The following ZFR2 variants were observed in gnomAD, a reference collection of about 807,000 sequenced individuals.
The protein encoded by ZFR2 is zinc finger RNA-binding protein 2.
ZFR2 carries 104 observed loss-of-function variants against 105.7 expected under a neutral mutation model. The observed-to-expected ratio is 0.98, with a 90% CI of 0.84 to 1.16. The LOEUF is 1.16. Among genes scored for constraint, ZFR2 ranks in the 50% most tolerant of loss-of-function variants. The probability of loss-of-function intolerance (pLI) is 0.00; values close to 1 mark genes in which losing one functional copy is unlikely to be tolerated. For synonymous variants in ZFR2, 634 were observed against 597.7 expected (o/e 1.06, Z -0.89); for missense variants, 1,425 against 1,355.5 (o/e 1.05, Z -0.80).
At chr19:3,831,603 CTGAGTTGAAGT>C in intron 4 of ZFR2, 46 bp downstream of exon 4, 1 of 1,531,866 alleles carries the variant, frequency 6.5e-7, no homozygotes, top group South Asian at 1.3e-5. Flanking sequence ...GCTGATTCCA[CTGAGTTGAAGT>C]GGGGACCGAC....
intron 1 of ZFR2, chr19:3,852,686 C>T (rs1051197789): frequency 2.5e-5 from 17 of 668,318 alleles, no homozygotes; most frequent in Admixed American, 4.6e-5. Context: ...GGCATTTTGG[C>T]AACAATCTGC....
chr19:3,836,890 G>A (rs2038080371), intron 1 of ZFR2, among the ~76,000 whole-genome samples: 1 of 152,196 alleles, frequency 6.6e-6, no homozygotes, highest in Non-Finnish European at 1.5e-5. Context: ...AAAAGTATCA[G>A]TAAAGATTTT....
At chr19:3,866,688 A>G (rs2038433151) in intron 1 of ZFR2, among the ~76,000 whole-genome samples, 1 of 152,202 alleles carries the variant, frequency 6.6e-6, no homozygotes, top group Non-Finnish European at 1.5e-5. Context: ...AAAGAAGAGA[A>G]AGAGAAAAGA....
In ZFR2 at chr19:3,841,758, T is replaced by C. The variant is rs561548476; in HGVS notation, c.54-6775A>G. 5.9e-5 allele frequency among the ~76,000 whole-genome samples: 9 copies of C among 151,816 alleles called. No homozygotes were observed. In the South Asian group the frequency reaches 1.5e-3, roughly 25 times the overall value. ...AGTTTGAGGCTGCAGTGAGCCATGA[T>C]TGCACCAGCGTACTCCAGCCTGGGC... On this transcript the variant is annotated intron_variant, in intron 1 of 18. Coordinates refer to ENST00000262961, the MANE Select transcript of ZFR2 (RefSeq NM_015174.2).
chr19:3,805,926 C>G lies in ZFR2; in HGVS notation c.*23G>C, dbSNP rs1334796383. The G allele has an allele frequency of 1.5e-5, 23 of 1,513,894 alleles. No individual in the cohort carries two copies. The highest frequency in any genetic ancestry group is 1.8e-5 in the Non-Finnish European group (20 of 1,135,338). The allele number at this position is 1,513,894 out of a possible 1,614,324, so 93.8% of individuals were successfully genotyped here. On this transcript the variant is annotated 3_prime_UTR_variant, in exon 19 of 19. Transcript: ENST00000262961. ...CCAGGAGTGCAGGGATGCAAAGGCC[C>G]GCAGGTGGGGGAGGTAGGCGGCTCA...
rs915264656 is a variant in ZFR2, at chr19:3,827,330, G to A, written c.1035+141C>T. The A allele has an allele frequency of 1.8e-5, 17 of 948,334 alleles. No homozygotes were observed. In the East Asian group the frequency reaches 2.2e-4, roughly 12 times the overall value. 58.7% of individuals were successfully genotyped at this position (948,334 alleles called of 1,614,324 possible). Reference sequence around the variant, plus strand: ...AAGATGAGGACGCATGGGCCTGGGCGGCTGGCCCTTGGGGCGCGCTCCACT... The same window carrying A: ...AAGATGAGGACGCATGGGCCTGGGCAGCTGGCCCTTGGGGCGCGCTCCACT... On this transcript the variant is annotated intron_variant, in intron 6 of 18. Coordinates refer to ENST00000262961, the MANE Select transcript of ZFR2 (RefSeq NM_015174.2).
At chr19:3,839,953 C>T (rs919634938) in intron 1 of ZFR2, among the ~76,000 whole-genome samples, 2 of 151,914 alleles carry the variant, frequency 1.3e-5, no homozygotes, top group African/African-American at 4.8e-5. Flanking sequence ...TCCTGGGCTC[C>T]GTATGAATCT....
intron 6 of ZFR2, among the ~76,000 whole-genome samples, chr19:3,825,666 C>T (rs2037941355): frequency 6.6e-6 from 1 of 152,148 alleles, no homozygotes; most frequent in Admixed American, 6.5e-5. Context: ...GCACGTGGCT[C>T]ACCGGCTCAC....
chr19:3,817,773 A>T (rs2037842537), intron 12 of ZFR2, among the ~76,000 whole-genome samples: 1 of 149,510 alleles, frequency 6.7e-6, no homozygotes, highest in Admixed American at 6.7e-5. Context: ...AAAAAAAAAA[A>T]AAAAAAAGGA....
intron 1 of ZFR2, among the ~76,000 whole-genome samples, chr19:3,861,775 A>G (rs2038376232): frequency 6.6e-6 from 1 of 152,082 alleles, no homozygotes; most frequent in Admixed American, 6.6e-5. Context: ...AAAATACAAA[A>G]ATTGGCTGGG....
At chr19:3,816,369 C>T (rs1215796836) in intron 13 of ZFR2, among the ~76,000 whole-genome samples, 1 of 151,674 alleles carries the variant, frequency 6.6e-6, no homozygotes, top group African/African-American at 2.4e-5. Context: ...CTTCAGCCTC[C>T]CACATAGCTG....
intron 3 of ZFR2, among the ~76,000 whole-genome samples, chr19:3,832,635 T>TA (rs931902459): frequency 4.1e-5 from 6 of 145,852 alleles, no homozygotes; most frequent in South Asian, 2.1e-4. Flanking sequence ...TTTGTTTTTT[T>TA]TTTTTATTTT....
chr19:3,806,032 T>C lies in ZFR2; in HGVS notation c.2737A>G (p.Lys913Glu). 1 of 1,542,486 alleles carries C rather than the reference T, an allele frequency of 6.5e-7. No individual in the cohort carries two copies. The highest frequency in any genetic ancestry group is 2.5e-5 in the East Asian group (1 of 40,506). Reference sequence around the variant, plus strand: ...CCCTCGCCAGGTCCCCGTTGCCTCTTCCGGAAGCGGGCCCCCAGCCGGTGT... The same window carrying C: ...CCCTCGCCAGGTCCCCGTTGCCTCTCCCGGAAGCGGGCCCCCAGCCGGTGT... Reference protein sequence around the residue: ...PRHRLGARFRKRQRGPGEGEE... With the variant: ...PRHRLGARFRERQRGPGEGEE... The change falls in exon 19 of 19, where the codon AAG (lysine) becomes GAG (glutamate). Residue 913 changes from lysine to glutamate, a missense_variant. Lys to Glu is a moderately conservative substitution (Grantham distance 56). Coordinates refer to ENST00000262961, the MANE Select transcript of ZFR2 (RefSeq NM_015174.2).
chr19:3,834,850 G>A lies in ZFR2; in HGVS notation c.187C>T (p.His63Tyr). 6.2e-7 allele frequency: 1 copy of A among 1,612,188 alleles called. No individual in the cohort carries two copies. Among genetic ancestry groups the A allele is most frequent in the Non-Finnish European group, 8.5e-7 (1 of 1,179,362 alleles). Residue 63 changes from histidine to tyrosine, a missense_variant, in exon 2 of 19, where the codon CAC (histidine) becomes TAC (tyrosine). Coordinates refer to ENST00000262961, the MANE Select transcript of ZFR2 (RefSeq NM_015174.2). This position sits in a 1 kb window ranked among gnomAD's most constrained non-coding sequence, Gnocchi z 5.3. Reference sequence around the variant, plus strand: ...CCGTAGGCGAAGTCCTGGCCGGAGTGGGGCTGGTATCCACCGTACCCTGCC... The same window carrying A: ...CCGTAGGCGAAGTCCTGGCCGGAGTAGGGCTGGTATCCACCGTACCCTGCC... ...APAGYGGYQP[H>Y]SGQDFAYGSR...
At chr19:3,859,430 C>T (rs886222050) in intron 1 of ZFR2, among the ~76,000 whole-genome samples, 6 of 152,202 alleles carry the variant, frequency 3.9e-5, no homozygotes, top group African/African-American at 9.7e-5. Flanking sequence ...ACCTTGTGAC[C>T]GTGTGAGTCA....
chr19:3,828,639 A>T (rs1242398065), intron 5 of ZFR2, among the ~76,000 whole-genome samples: 1 of 152,136 alleles, frequency 6.6e-6, no homozygotes, highest in Non-Finnish European at 1.5e-5. Context: ...AAAATATCTG[A>T]TTGCGTCTGG....
chr19:3,835,330 CT>C (rs1298100026), intron 1 of ZFR2, among the ~76,000 whole-genome samples: 1 of 151,718 alleles, frequency 6.6e-6, no homozygotes, highest in Non-Finnish European at 1.5e-5. Flanking sequence ...GAAAATTGAA[CT>C]TTTTTATTTT....
At position 3,820,172 on chromosome 19, in the gene ZFR2, CTG is replaced by C. The variant is rs2037873582; in HGVS notation, c.1740+8_1740+9del. 1.9e-6 allele frequency: 3 copies of C among 1,551,344 alleles called. No homozygotes were observed. Among genetic ancestry groups the C allele is most frequent in the Non-Finnish European group, 2.6e-6 (3 of 1,147,078 alleles). On this transcript the variant is annotated splice_region_variant and intron_variant, in intron 11 of 18. Coordinates refer to ENST00000262961, the MANE Select transcript of ZFR2 (RefSeq NM_015174.2). ...CGCCCGCGTTTGCACACAGAGGAAACTGTACCTACCTGGAGTGGGGCGCTGGC... is the reference window on the plus strand; with the variant it reads ...CGCCCGCGTTTGCACACAGAGGAAACTACCTACCTGGAGTGGGGCGCTGGC...
intron 1 of ZFR2, among the ~76,000 whole-genome samples, chr19:3,850,289 T>C (rs893099460): frequency 6.6e-6 from 1 of 151,864 alleles, no homozygotes; most frequent in Non-Finnish European, 1.5e-5. Flanking sequence ...TGAGGAGTGC[T>C]GGTGGGGCGA....
Sources: allele counts gnomAD v4.1 joint callset (sites outside exome capture counted in the v4.1 genomes callset), GRCh38; gene constraint gnomAD v4.1.1; non-coding constraint Gnocchi (gnomAD v3.1); transcripts MANE v1.5; gene names NCBI Gene and HGNC (gene_info 2026-07-23, HGNC 2026-07-21).